Variants in PARM1 observed in about 807,000 individuals in gnomAD.
The protein encoded by PARM1 is WSC4, cell wall integrity and stress response component 4 homolog.
A neutral mutation model predicts 24.6 loss-of-function variants in PARM1; 14 were observed. That is an observed-to-expected ratio of 0.57 (90% CI 0.38 to 0.89). The LOEUF (loss-of-function observed/expected upper bound fraction) is 0.89. PARM1 is among the 40% of genes least tolerant of loss of function. The probability of loss-of-function intolerance (pLI) is 0.00; values close to 1 mark genes in which losing one functional copy is unlikely to be tolerated. For synonymous variants in PARM1, 179 were observed against 156.6 expected (o/e 1.14, Z -1.07); for missense variants, 362 against 380.4 (o/e 0.95, Z 0.40).
intron 1 of PARM1, among the ~76,000 whole-genome samples, chr4:74,977,628 A>C (rs1019456010): frequency 1.8e-4 from 27 of 152,118 alleles, no homozygotes; most frequent in Non-Finnish European, 1.3e-4. Context: ...CCAGTAAAAT[A>C]CTCTATGAGA....
At chr4:74,978,174 A>T (rs1722173759) in intron 1 of PARM1, among the ~76,000 whole-genome samples, 1 of 152,240 alleles carries the variant, frequency 6.6e-6, no homozygotes, top group African/African-American at 2.4e-5. Flanking sequence ...CAGAATGGCA[A>T]GCTGGATAAA....
chr4:74,941,697 A>C (rs2109980701), intron 1 of PARM1, among the ~76,000 whole-genome samples: 1 of 152,284 alleles, frequency 6.6e-6, no homozygotes, highest in South Asian at 2.1e-4. Context: ...ATGGTGGGTA[A>C]TTAAGGTAAC....
chr4:74,979,425 C>T (rs1454476404), intron 1 of PARM1, among the ~76,000 whole-genome samples: 1 of 152,016 alleles, frequency 6.6e-6, no homozygotes, highest in African/African-American at 2.4e-5. Flanking sequence ...AAGTTGAATC[C>T]CTGAATAGAC....
chr4:74,953,712 A>C (rs1165088274), intron 1 of PARM1, among the ~76,000 whole-genome samples: 3 of 152,228 alleles, frequency 2.0e-5, no homozygotes, highest in African/African-American at 7.2e-5. Context: ...GGAAGATTGT[A>C]CTTTATGATA....
chr4:75,014,512 A>G (rs1228430951), intron 2 of PARM1, among the ~76,000 whole-genome samples: 1 of 152,182 alleles, frequency 6.6e-6, no homozygotes, highest in Non-Finnish European at 1.5e-5. Flanking sequence ...GAGGCCCAGT[A>G]GAGTTGACCA....
At chr4:75,027,139 T>C (rs1344354815) in intron 2 of PARM1, among the ~76,000 whole-genome samples, 2 of 152,034 alleles carry the variant, frequency 1.3e-5, no homozygotes, top group African/African-American at 4.8e-5. Flanking sequence ...CAGGCAGAAA[T>C]ACAGAGGCTG....
At position 75,049,337 on chromosome 4, in the gene PARM1, T is replaced by C. The variant is rs1723672894; in HGVS notation, c.*3090T>C. 1 of 150,982 alleles carries C rather than the reference T, an allele frequency of 6.6e-6. No homozygotes were observed. Among genetic ancestry groups the C allele is most frequent in the Non-Finnish European group, 1.5e-5 (1 of 67,602 alleles). The allele number at this position is 150,982 out of a possible 1,614,324, so 9.4% of individuals were successfully genotyped here. A position where few individuals can be genotyped will look rare whatever the true frequency, so the allele number is the denominator to read the frequency against. ...AAATTATGTCTATGGTATTTTCAGT[T>C]TCTGGAGAAAAATACTTATAGACAG... On this transcript the variant is annotated 3_prime_UTR_variant, in exon 4 of 4. Coordinates refer to ENST00000307428, the MANE Select transcript of PARM1 (RefSeq NM_015393.4).
intron 1 of PARM1, among the ~76,000 whole-genome samples, chr4:74,957,832 G>A (rs975162646): frequency 4.6e-5 from 7 of 152,128 alleles, no homozygotes; most frequent in Non-Finnish European, 1.0e-4. Context: ...GCTTCAGGGA[G>A]GGATTGAAGC....
At chr4:75,005,530 C>T (rs556175690) in intron 1 of PARM1, among the ~76,000 whole-genome samples, 24 of 152,300 alleles carry the variant, frequency 1.6e-4, no homozygotes, top group Non-Finnish European at 2.6e-4. Context: ...AGACTCTCTA[C>T]GCTACAATGC....
intron 1 of PARM1, among the ~76,000 whole-genome samples, chr4:74,976,234 C>T (rs1271255866): frequency 6.6e-6 from 1 of 152,218 alleles, no homozygotes; most frequent in African/African-American, 2.4e-5. Context: ...TGATGACCAT[C>T]ACTGTGGCTC....
At chr4:74,966,794 G>A (rs926920786) in intron 1 of PARM1, 2 of 152,172 alleles carry the variant, frequency 1.3e-5, no homozygotes, top group African/African-American at 4.8e-5. Context: ...TCTTGGCCTG[G>A]GAGCAGATTC....
chr4:74,950,265 T>C (rs750031530), intron 1 of PARM1, among the ~76,000 whole-genome samples: 5 of 152,234 alleles, frequency 3.3e-5, no homozygotes, highest in Non-Finnish European at 5.9e-5. Flanking sequence ...TTCTGGAAAC[T>C]GGAAGCCTGA....
chr4:74,994,898 G>C (rs1179413809), intron 1 of PARM1, among the ~76,000 whole-genome samples: 6 of 151,934 alleles, frequency 3.9e-5, no homozygotes, highest in Admixed American at 3.9e-4. Context: ...AAAATTCTGG[G>C]AACACTTCAA....
intron 1 of PARM1, among the ~76,000 whole-genome samples, chr4:75,003,806 C>T (rs1722724226): frequency 6.6e-6 from 1 of 152,106 alleles, no homozygotes; most frequent in South Asian, 2.1e-4. Flanking sequence ...TTTGTAGGTC[C>T]CTAACAGTGG....
intron 1 of PARM1, among the ~76,000 whole-genome samples, chr4:74,941,613 G>C (rs1012745790): frequency 3.3e-5 from 5 of 152,188 alleles, no homozygotes; most frequent in Non-Finnish European, 7.4e-5. Flanking sequence ...TATAGTATTT[G>C]TTTTAGTGTG....
At chr4:75,033,768 C>A in intron 2 of PARM1, 115 bp from the exon 3 acceptor site, 1 of 673,780 alleles carries the variant, frequency 1.5e-6, no homozygotes, top group Non-Finnish European at 2.4e-6. Flanking sequence ...AGTAGCTTTT[C>A]CCCCTTTCAG....
chr4:75,028,638 G>C (rs111521732), intron 2 of PARM1, among the ~76,000 whole-genome samples: 1 of 152,228 alleles, frequency 6.6e-6, no homozygotes, highest in African/African-American at 2.4e-5. Flanking sequence ...AAGCTGACTG[G>C]TGAATTTTCA....
intron 1 of PARM1, among the ~76,000 whole-genome samples, chr4:74,939,316 G>A (rs190179364): frequency 3.0e-4 from 46 of 152,278 alleles, no homozygotes; most frequent in Admixed American, 3.0e-3. Context: ...TTAGGATTTA[G>A]AGGCAGCATT....
intron 2 of PARM1, among the ~76,000 whole-genome samples, chr4:75,029,797 A>T (rs1723243438): frequency 6.6e-6 from 1 of 152,078 alleles, no homozygotes; most frequent in Admixed American, 6.5e-5. Flanking sequence ...GTACTCAGGT[A>T]AGAACTGGAG....
Sources: gnomAD v4.1 joint callset for allele counts (sites outside exome capture counted in the v4.1 genomes callset) on GRCh38, gnomAD v4.1.1 for gene constraint, MANE v1.5 for transcripts, NCBI Gene and HGNC (gene_info 2026-07-23, HGNC 2026-07-21) for gene names.